Variants in BPIFB6 observed in about 807,000 individuals in gnomAD.
BPIFB6 encodes BPI fold-containing family B member 6.
A neutral mutation model predicts 54.7 loss-of-function variants in BPIFB6; 47 were observed. The observed-to-expected ratio is 0.86, with a 90% confidence interval of 0.68 to 1.10. The LOEUF (loss-of-function observed/expected upper bound fraction) is 1.10. Ranked by LOEUF, BPIFB6 falls within the 50% of genes least tolerant of loss-of-function variation. The probability of loss-of-function intolerance (pLI) is 0.00; values close to 1 mark genes in which losing one functional copy is unlikely to be tolerated. For synonymous variants in BPIFB6, 255 were observed against 225.9 expected (o/e 1.13, Z -1.16); for missense variants, 603 against 564.1 (o/e 1.07, Z -0.70).
chr20:33,040,214 C>A, intron 10 of BPIFB6, 37 bp from the exon 11 acceptor site: 3 of 1,595,648 alleles, frequency 1.9e-6, no homozygotes, highest in Non-Finnish European at 2.6e-6. Context: ...GGTGGGGAAC[C>A]CACTGCCTTC....
rs1979235035 is a variant in BPIFB6, at chr20:33,034,304, G to T, written c.302+14G>T. ...CACTGGCAAGAGGTGAGTGTGGCAGGGGAGGGGCAGCGGGGAGGAGAACGG... is the reference window on the plus strand; with the variant it reads ...CACTGGCAAGAGGTGAGTGTGGCAGTGGAGGGGCAGCGGGGAGGAGAACGG... On this transcript the variant is annotated intron_variant, in intron 3 of 14. Coordinates refer to ENST00000349552, the MANE Select transcript of BPIFB6 (RefSeq NM_174897.2). The T allele has an allele frequency of 1.3e-6, 2 of 1,583,658 alleles. No individual in the cohort carries two copies. The highest frequency in any genetic ancestry group is 1.7e-5 in the Admixed American group (1 of 59,976).
rs1453711751 is a variant in BPIFB6 at position 33,031,688 on chromosome 20, C to T, written c.41C>T (p.Thr14Ile). Reference sequence around the variant, plus strand: ...TGCCTGGCACTCTGCAGCCTGCTGACTGGCACGCGAGCTGACCCTGGGGCA... The same window carrying T: ...TGCCTGGCACTCTGCAGCCTGCTGATTGGCACGCGAGCTGACCCTGGGGCA... ...ILCLALCSLL[T>I]GTRADPGALL... The change falls in exon 1 of 15, where the codon ACT becomes ATT. Residue 14 changes from threonine (T) to isoleucine (I), a missense_variant. Thr to Ile is a moderately conservative substitution (Grantham distance 89, BLOSUM62 -1). Transcript: ENST00000349552. 4 of 1,614,134 alleles carry T rather than the reference C, an allele frequency of 2.5e-6. No individual in the cohort carries two copies. Among genetic ancestry groups the T allele is most frequent in the South Asian group, 2.2e-5 (2 of 91,086 alleles).
intron 2 of BPIFB6, 122 bp downstream of exon 2, chr20:33,033,205 C>A (rs1979180648): frequency 2.6e-6 from 2 of 772,276 alleles, no homozygotes; most frequent in Admixed American, 4.1e-5. Flanking sequence ...CTCTTCCCTG[C>A]CTTGTGCTGT....
At chr20:33,043,076 T>C (rs1196606456) in intron 13 of BPIFB6, among the ~76,000 whole-genome samples, 198 bp downstream of exon 13, 1 of 152,236 alleles carries the variant, frequency 6.6e-6, no homozygotes. Flanking sequence ...TCTCCCACAA[T>C]TTGGGCTCTG....
rs1568986536 is a variant in BPIFB6 at position 33,037,686 on chromosome 20, CAG to C, written c.797_798del (p.Glu266AlafsTer19). On this transcript the variant is annotated frameshift_variant, in exon 8 of 15. Coordinates refer to ENST00000349552, the MANE Select transcript of BPIFB6 (RefSeq NM_174897.2). LOFTEE classifies it high-confidence loss of function. The stretch of plus-strand genomic sequence containing the variant: ...CTGCTCCCAGCCACCTTCCTCTCTG[CAG>C]AGCTTGCCCTTCTGCAGAAGTCCTT... 1.2e-6 allele frequency: 2 copies of C among 1,614,076 alleles called. No homozygotes were observed. Among genetic ancestry groups the C allele is most frequent in the Non-Finnish European group, 1.7e-6 (2 of 1,180,028 alleles).
At chr20:33,034,662 C>T in intron 3 of BPIFB6, 101 bp from the exon 4 acceptor site, 1 of 1,377,322 alleles carries the variant, frequency 7.3e-7, no homozygotes, top group East Asian at 2.3e-5. Context: ...GTCTCCTACC[C>T]TTTCTCCCTC....
chr20:33,041,940 C>T (rs376827430), intron 11 of BPIFB6, 30 bp from the exon 12 acceptor site: 83 of 1,612,068 alleles, frequency 5.1e-5, no homozygotes, highest in East Asian at 3.3e-4. Context: ...TTCCCCTCCC[C>T]GCCTGGCTTG....
At position 33,042,733 on chromosome 20, in the gene BPIFB6, C is replaced by T; in HGVS notation, c.1189-82C>T. ...AATATTCACTTCTGTGGTCCCCAGG[C>T]CTAGCCAGAGAGGGCTGAAAAGATC... On this transcript the variant is annotated intron_variant, in intron 12 of 14. Coordinates refer to ENST00000349552, the MANE Select transcript of BPIFB6 (RefSeq NM_174897.2). 4 of 1,337,162 alleles carry T rather than the reference C, an allele frequency of 3.0e-6. No individual in the cohort carries two copies. In the African/African-American group the frequency reaches 5.8e-5, roughly 19 times the overall value. 82.8% of individuals were successfully genotyped at this position (1,337,162 alleles called of 1,614,324 possible).
At chr20:33,036,250 C>T (rs1265842277) in intron 6 of BPIFB6, among the ~76,000 whole-genome samples, 195 bp from the exon 7 acceptor site, 1 of 152,136 alleles carries the variant, frequency 6.6e-6, no homozygotes, top group Admixed American at 6.5e-5. Flanking sequence ...TCTGTGCTGG[C>T]TGAGTGATGT....
rs1979396449 is a variant in BPIFB6, at chr20:33,037,572, A to G, written c.680A>G (p.Gln227Arg). 2 of 1,611,340 alleles carry G rather than the reference A, an allele frequency of 1.2e-6. No homozygotes were observed. The highest frequency in any genetic ancestry group is 1.7e-6 in the Non-Finnish European group (2 of 1,178,120). The change falls in exon 8 of 15, where the codon CAG becomes CGG. Residue 227 changes from glutamine (Q) to arginine (R), a missense_variant. Coordinates refer to ENST00000349552, the MANE Select transcript of BPIFB6 (RefSeq NM_174897.2). ...CCTGCTGCCCCATAGCCTGTGGTGC[A>G]GCAGCAAAAGGGCAAAACCATCAAG... ...YIQLDFSPVVQQQKGKTIKLA... is the reference protein window; with the variant it reads ...YIQLDFSPVVRQQKGKTIKLA...
rs1476078826 is a variant in BPIFB6, at chr20:33,034,833, G to A, written c.373G>A (p.Glu125Lys). The A allele has an allele frequency of 2.5e-6, 4 of 1,613,968 alleles. No homozygotes were observed. The highest frequency in any genetic ancestry group is 2.5e-6 in the Non-Finnish European group (3 of 1,179,890). Residue 125 changes from glutamate (E) to lysine (K), a missense_variant, in exon 4 of 15, where the codon GAG becomes AAG. Glu to Lys is a moderately conservative substitution (Grantham distance 56). Coordinates refer to ENST00000349552, the MANE Select transcript of BPIFB6 (RefSeq NM_174897.2). ...ITATNRLLRD[E>K]ETGLPVFKSE... ...AGCCACCAACCGGCTTCTGCGGGAT[G>A]AGGAGACAGGCCTCCCCGTGTTCAA...
chr20:33,034,474 A>G lies in BPIFB6; in HGVS notation c.302+184A>G, dbSNP rs549362358. On this transcript the variant is annotated intron_variant, in intron 3 of 14. Coordinates refer to ENST00000349552, the MANE Select transcript of BPIFB6 (RefSeq NM_174897.2). ...CAATCACAGACTGAGTGACTGGTCT[A>G]GGACAGAGGAAGCATTGAACAGTGG... Among the ~76,000 whole-genome samples the G allele has an allele frequency of 1.8e-4, 27 of 152,386 alleles. No individual in the cohort carries two copies. The South Asian group carries it at 5.0e-3, about 28-fold the overall frequency.
intron 14 of BPIFB6, 60 bp downstream of exon 14, chr20:33,043,427 G>C (rs1287026596): frequency 2.0e-6 from 3 of 1,485,358 alleles, no homozygotes; most frequent in Non-Finnish European, 9.4e-7. Flanking sequence ...TGAGTGATGA[G>C]CAAGAGCCTA....
At position 33,036,531 on chromosome 20, in the gene BPIFB6, T is replaced by C. The variant is rs755797986; in HGVS notation, c.664T>C (p.Phe222Leu). 1 of 1,614,088 alleles carries C rather than the reference T, an allele frequency of 6.2e-7. No homozygotes were observed. Among genetic ancestry groups the C allele is most frequent in the Admixed American group, 1.7e-5 (1 of 60,028 alleles). The change falls in exon 7 of 15, where the codon TTC (phenylalanine) becomes CTC (leucine). Residue 222 changes from phenylalanine (F) to leucine (L), a missense_variant. Physicochemically the swap from Phe to Leu is conservative, Grantham distance 22 (BLOSUM62 0). Transcript: ENST00000349552. ...ATTASYIQLD[F>L]SPVVQQQKGK... The stretch of plus-strand genomic sequence containing the variant: ...CACAGCCAGCTACATCCAACTGGAC[T>C]TCAGTGTAAGCGCCTAGGGCCACCT...
Position 33,031,792 on chromosome 20 carries a change from G to A in BPIFB6, c.97+48G>A, listed in dbSNP as rs369391970. 41 of 1,499,068 alleles carry A rather than the reference G, an allele frequency of 2.7e-5. No homozygotes were observed. In the African/African-American group the frequency reaches 4.9e-4, roughly 18 times the overall value. 92.9% of individuals were successfully genotyped at this position (1,499,068 alleles called of 1,614,324 possible). A position where few individuals can be genotyped will look rare whatever the true frequency, so the allele number is the denominator to read the frequency against. On this transcript the variant is annotated intron_variant, in intron 1 of 14. Transcript: ENST00000349552. The stretch of plus-strand genomic sequence containing the variant: ...CGTGCAGCTGGGAGGCGGTGCTTGG[G>A]GTAGGTGGTAGGTAGTCACTGCTCT...
chr20:33,040,426 A>G, intron 11 of BPIFB6, 108 bp downstream of exon 11: 5 of 999,090 alleles, frequency 5.0e-6, no homozygotes, highest in Non-Finnish European at 7.7e-6. Flanking sequence ...ACCCCCAACT[A>G]CCAGGCTGCT....
At chr20:33,034,707 G>A (rs1979252921) in intron 3 of BPIFB6, 56 bp from the exon 4 acceptor site, 6 of 1,538,776 alleles carry the variant, frequency 3.9e-6, no homozygotes, top group Admixed American at 3.8e-5. Context: ...GAGAAGGCAG[G>A]GAGAGCGGAC....
chr20:33,031,691 G>A lies in BPIFB6; in HGVS notation c.44G>A (p.Gly15Asp), dbSNP rs1381521993. The A allele has an allele frequency of 6.2e-7, 1 of 1,613,996 alleles. No individual in the cohort carries two copies. The highest frequency in any genetic ancestry group is 1.3e-5 in the African/African-American group (1 of 74,934). ...LCLALCSLLT[G>D]TRADPGALLR... ...CTGGCACTCTGCAGCCTGCTGACTG[G>A]CACGCGAGCTGACCCTGGGGCACTG... The change falls in exon 1 of 15, where the codon GGC (glycine) becomes GAC (aspartate). Residue 15 changes from glycine to aspartate, a missense_variant. Gly to Asp is a moderately conservative substitution (Grantham distance 94). Coordinates refer to ENST00000349552, the MANE Select transcript of BPIFB6 (RefSeq NM_174897.2).
intron 11 of BPIFB6, 105 bp downstream of exon 11, chr20:33,040,423 A>C: frequency 9.7e-7 from 1 of 1,026,444 alleles, no homozygotes; most frequent in Non-Finnish European, 1.5e-6. Flanking sequence ...CACACCCCCA[A>C]CTACCAGGCT....
Sources: allele counts gnomAD v4.1 joint callset (sites outside exome capture counted in the v4.1 genomes callset), GRCh38; gene constraint gnomAD v4.1.1; transcripts MANE v1.5; gene names NCBI Gene and HGNC (gene_info 2026-07-23, HGNC 2026-07-21).